ATP8B4: variants seen among roughly 807,000 people sequenced by gnomAD.
The protein encoded by ATP8B4 is ATPase phospholipid transporting 8B4 (putative), also known as probable phospholipid-transporting ATPase IM.
In ATP8B4, 133 loss-of-function variants were observed where a neutral mutation model predicts 145.6. The observed-to-expected ratio is 0.91, with a 90% confidence interval of 0.79 to 1.05. ATP8B4 has a LOEUF of 1.05. Among genes scored for constraint, ATP8B4 ranks in the 50% least tolerant of loss-of-function variants. ATP8B4 has a pLI of 0.00. For synonymous variants in ATP8B4, 507 were observed against 492.9 expected, an observed-to-expected ratio of 1.03 and a Z score of -0.38; for missense variants, 1,458 against 1,425.2, an observed-to-expected ratio of 1.02 and a Z score of -0.37.
At chr15:50,016,585 C>T (rs1055813584) in intron 6 of ATP8B4, among the ~76,000 whole-genome samples, 2 of 152,146 alleles carry the variant, frequency 1.3e-5, no homozygotes, top group Admixed American at 6.6e-5. Flanking sequence ...GCCAAGACCA[C>T]GGAGAGCTCT....
At chr15:50,001,588 C>A (rs1198930518) in intron 8 of ATP8B4, among the ~76,000 whole-genome samples, 1 of 152,176 alleles carries the variant, frequency 6.6e-6, no homozygotes, top group Admixed American at 6.6e-5. Flanking sequence ...ATCTAAAGAA[C>A]ACAAATACAT....
chr15:50,112,565 A>G (rs1475080210), intron 1 of ATP8B4, among the ~76,000 whole-genome samples: 3 of 151,930 alleles, frequency 2.0e-5, no homozygotes, highest in Non-Finnish European at 4.4e-5. Flanking sequence ...TTGGAGGCAG[A>G]GTGTTACACA....
intron 2 of ATP8B4, among the ~76,000 whole-genome samples, chr15:50,103,060 C>A (rs924948902): frequency 2.0e-5 from 3 of 152,026 alleles, no homozygotes; most frequent in African/African-American, 7.2e-5. Context: ...ATGATTAAAA[C>A]CCTCAGCAAA....
At position 49,858,777 on chromosome 15, in the gene ATP8B4, G is replaced by A. The variant is rs2031129883; in HGVS notation, c.*1417C>T. On this transcript the variant is annotated 3_prime_UTR_variant, in exon 28 of 28. Coordinates refer to ENST00000284509, the MANE Select transcript of ATP8B4 (RefSeq NM_024837.4). The stretch of plus-strand genomic sequence containing the variant: ...TTTCTGGCAATTTCATTTTATCAAA[G>A]CCTTCCTCACTGACTATTTAGATTC... 1 of 152,120 alleles carries A rather than the reference G, an allele frequency of 6.6e-6. No individual in the cohort carries two copies. Among genetic ancestry groups the A allele is most frequent in the South Asian group, 2.1e-4 (1 of 4,822 alleles). The allele number at this position is 152,120 out of a possible 1,614,324, so 9.4% of individuals were successfully genotyped here.
chr15:49,898,077 T>G lies in ATP8B4; in HGVS notation c.2464A>C (p.Met822Leu), dbSNP rs765659718. The G allele has an allele frequency of 6.2e-7, 1 of 1,613,802 alleles. No homozygotes were observed. The highest frequency in any genetic ancestry group is 8.5e-7 in the Non-Finnish European group (1 of 1,179,782). Residue 822 changes from methionine to leucine, a missense_variant, in exon 22 of 28, where the codon ATG (methionine) becomes CTG (leucine). Transcript: ENST00000284509. Reference sequence around the variant, plus strand: ...GCAAATATCCTCTTACTTTTAATCATGCTGACATCATTGGCTCCATCACCA... The same window carrying G: ...GCAAATATCCTCTTACTTTTAATCAGGCTGACATCATTGGCTCCATCACCA... ...AIGDGANDVS[M>L]IKSAHIGVGI...
chr15:50,180,587 C>G (rs2044831266), intron 1 of ATP8B4, among the ~76,000 whole-genome samples: 1 of 152,126 alleles, frequency 6.6e-6, no homozygotes, highest in South Asian at 2.1e-4. Flanking sequence ...GGTGGCTACA[C>G]AGAAGCGATT....
chr15:50,157,198 G>T (rs780631695), intron 1 of ATP8B4, among the ~76,000 whole-genome samples: 1 of 152,248 alleles, frequency 6.6e-6, no homozygotes, highest in South Asian at 2.1e-4. Context: ...TGCCAGAAAA[G>T]ATAGAAAGTT....
At chr15:50,123,680 T>C (rs2057288488), upstream of ATP8B4, among the ~76,000 whole-genome samples, 1 of 152,158 alleles carries the variant, frequency 6.6e-6, no homozygotes, top group Admixed American at 6.6e-5. Context: ...CAGCTGCCTC[T>C]GTGTAAATTA....
chr15:50,140,957 T>C (rs571918233), intron 1 of ATP8B4, among the ~76,000 whole-genome samples: 9 of 152,240 alleles, frequency 5.9e-5, no homozygotes, highest in African/African-American at 2.2e-4. Flanking sequence ...CTAAGACAAT[T>C]AGACTATCCT....
intron 1 of ATP8B4, among the ~76,000 whole-genome samples, chr15:50,131,828 ATAT>A (rs2044052240): frequency 6.7e-6 from 1 of 150,070 alleles, no homozygotes; most frequent in African/African-American, 2.4e-5. Flanking sequence ...ATTTCAATTA[ATAT>A]TATCATGTAA....
chr15:49,985,644 C>T (rs1012363851), intron 10 of ATP8B4, among the ~76,000 whole-genome samples: 3 of 152,156 alleles, frequency 2.0e-5, no homozygotes, highest in Admixed American at 6.6e-5. Context: ...AACACTGTGG[C>T]CAAATCACAA....
intron 1 of ATP8B4, among the ~76,000 whole-genome samples, chr15:50,112,302 G>A (rs921500698): frequency 5.3e-5 from 8 of 152,022 alleles, no homozygotes; most frequent in African/African-American, 1.4e-4. Flanking sequence ...CTGCCCAGGC[G>A]AGCCCCTCCC....
intron 3 of ATP8B4, among the ~76,000 whole-genome samples, chr15:50,048,468 GAGGC>G (rs1381081089): frequency 6.6e-6 from 1 of 151,926 alleles, no homozygotes; most frequent in Non-Finnish European, 1.5e-5. Flanking sequence ...AGCATTTTGG[GAGGC>G]AGAGGTAGGT....
intron 7 of ATP8B4, among the ~76,000 whole-genome samples, chr15:50,005,427 AC>A (rs2048225010): frequency 6.6e-6 from 1 of 152,070 alleles, no homozygotes; most frequent in Admixed American, 6.6e-5. Context: ...GATTTATAAA[AC>A]CCTCTCTCAT....
intron 14 of ATP8B4, among the ~76,000 whole-genome samples, chr15:49,948,911 C>G (rs1272367578): frequency 6.6e-6 from 1 of 151,916 alleles, no homozygotes; most frequent in Non-Finnish European, 1.5e-5. Context: ...AGGTTTTCTT[C>G]TGCTGAATAG....
Position 49,879,358 on chromosome 15 carries a change from G to C in ATP8B4, c.2781+18C>G, listed in dbSNP as rs775936883. ...CATAAAAGAGAAACTAAGTTATAAA[G>C]ATGGAAAAAAAACATACCTGGTCAA... is the stretch of plus-strand genomic sequence containing the variant. On this transcript the variant is annotated intron_variant, in intron 24 of 27. Transcript: ENST00000284509. 5.7e-6 allele frequency: 9 copies of C among 1,588,810 alleles called. No individual in the cohort carries two copies. The Admixed American group carries it at 1.6e-4, about 27-fold the overall frequency.
chr15:49,938,794 A>G (rs1342142158), intron 14 of ATP8B4, among the ~76,000 whole-genome samples: 2 of 152,102 alleles, frequency 1.3e-5, no homozygotes, highest in African/African-American at 4.8e-5. Context: ...CCCATCAACC[A>G]CAGAATATAC....
At chr15:49,918,812 T>C (rs1453257603) in intron 19 of ATP8B4, 27 bp downstream of exon 19, 1 of 1,528,610 alleles carries the variant, frequency 6.5e-7, no homozygotes. Context: ...ATTTTCAAAA[T>C]ATCATCAACA....
rs115331831 is a variant in ATP8B4 at position 50,021,461 on chromosome 15, C to G, written c.363-10544G>C. Among the ~76,000 whole-genome samples the G allele has an allele frequency of 1.3e-3, 195 of 152,302 alleles. 1 individual carries two copies. The highest frequency in any genetic ancestry group is 4.5e-3 in the African/African-American group (187 of 41,558). On this transcript the variant is annotated intron_variant, in intron 6 of 27. Transcript: ENST00000284509. ...TTCAGCACTCCCCTTTATCACAATA[C>G]TCTAGCCACAGTAGACATCTTACTG...
Sources: gnomAD v4.1 joint callset for allele counts (sites outside exome capture counted in the v4.1 genomes callset) on GRCh38, gnomAD v4.1.1 for gene constraint, MANE v1.5 for transcripts, NCBI Gene and HGNC (gene_info 2026-07-23, HGNC 2026-07-21) for gene names.